The following FRMPD1 variants were observed in gnomAD, a reference collection of about 807,000 sequenced individuals.
FRMPD1 encodes FERM and PDZ domain containing 1, also known as FERM and PDZ domain-containing protein 1.
In FRMPD1, 76 loss-of-function variants were observed where a neutral mutation model predicts 117.8. That is an observed-to-expected ratio of 0.65 (90% CI 0.54 to 0.78). FRMPD1 has a LOEUF of 0.78. Among genes scored for constraint, FRMPD1 ranks in the 30% least tolerant of loss-of-function variants. FRMPD1 has a pLI of 0.00. For synonymous variants in FRMPD1, 783 were observed against 770.4 expected (o/e 1.02, Z -0.27); for missense variants, 1,786 against 1,964.5 (o/e 0.91, Z 1.72).
At chr9:37,724,971 C>T (rs537535792) in intron 7 of FRMPD1, among the ~76,000 whole-genome samples, 81 of 152,236 alleles carry the variant, frequency 5.3e-4, no homozygotes, top group Non-Finnish European at 9.6e-4. Flanking sequence ...GCTGGACCTG[C>T]GCTGAGCTTT....
rs1389689879 is a variant in FRMPD1, at chr9:37,745,792, C to A, written c.3760C>A (p.Pro1254Thr). 1.2e-6 allele frequency: 2 copies of A among 1,614,110 alleles called. No individual in the cohort carries two copies. Among genetic ancestry groups the A allele is most frequent in the Non-Finnish European group, 1.7e-6 (2 of 1,179,964 alleles). Residue 1254 changes from proline (P) to threonine (T), a missense_variant, in exon 16 of 16, where the codon CCT becomes ACT. Pro to Thr is a conservative substitution (Grantham distance 38). Coordinates refer to ENST00000377765, the MANE Select transcript of FRMPD1 (RefSeq NM_014907.3). Reference sequence around the variant, plus strand: ...TGAGTGGGTCTGTTTTAATCCTGAGCCTTCCCTGCCAGAACCACTACCATG... The same window carrying A: ...TGAGTGGGTCTGTTTTAATCCTGAGACTTCCCTGCCAGAACCACTACCATG... Reference protein sequence around the residue: ...SPEWVCFNPEPSLPEPLPCPQ... With the variant: ...SPEWVCFNPETSLPEPLPCPQ...
the FRMPD1 span, among the ~76,000 whole-genome samples, chr9:37,632,912 T>G: frequency 6.8e-6 from 1 of 147,796 alleles, no homozygotes; most frequent in Non-Finnish European, 1.5e-5. Flanking sequence ...TTTCTGTATA[T>G]ATATAATATA....
chr9:37,707,072 A>G (rs1318805879), intron 2 of FRMPD1, among the ~76,000 whole-genome samples: 2 of 152,182 alleles, frequency 1.3e-5, no homozygotes, highest in Non-Finnish European at 2.9e-5. Context: ...CTCAGAGTGC[A>G]GCTCAAATGC....
At chr9:37,650,157 A>C (rs1001129375), upstream of FRMPD1, among the ~76,000 whole-genome samples, 1 of 152,186 alleles carries the variant, frequency 6.6e-6, no homozygotes, top group African/African-American at 2.4e-5. Flanking sequence ...CTAATGCAGG[A>C]TATGGACCTC....
At chr9:37,690,975 C>T (rs1822112779) in intron 1 of FRMPD1, among the ~76,000 whole-genome samples, 1 of 152,192 alleles carries the variant, frequency 6.6e-6, no homozygotes, top group Admixed American at 6.5e-5. Context: ...ACACAGCCTG[C>T]ATGACCTAAT....
chr9:37,691,252 G>A (rs1166358348), intron 1 of FRMPD1, among the ~76,000 whole-genome samples: 2 of 152,160 alleles, frequency 1.3e-5, no homozygotes, highest in African/African-American at 2.4e-5. Flanking sequence ...CTTATCTTCA[G>A]TAGGATGGGA....
chr9:37,605,111 A>G, the FRMPD1 span, among the ~76,000 whole-genome samples: 2 of 152,220 alleles, frequency 1.3e-5, no homozygotes, highest in African/African-American at 4.8e-5. Context: ...CAGTGCATAT[A>G]TAACCTTTTG....
In FRMPD1 at chr9:37,740,862, C is replaced by A; in HGVS notation, c.2334C>A (p.Leu778=). The A allele has an allele frequency of 2.5e-6, 4 of 1,614,068 alleles. No individual in the cohort carries two copies. Among genetic ancestry groups the A allele is most frequent in the Non-Finnish European group, 3.4e-6 (4 of 1,179,912 alleles). ...DEEYYDAADK[L]TPPGPPSGPR... ...AATACTATGACGCGGCTGATAAGCT[C>A]ACTCCCCCAGGCCCCCCGTCAGGTG... is the stretch of plus-strand genomic sequence containing the variant. Residue 778 remains leucine (L), a synonymous_variant, in exon 15 of 16, where the codon CTC becomes CTA. Coordinates refer to ENST00000377765, the MANE Select transcript of FRMPD1 (RefSeq NM_014907.3). The surrounding 1 kb of genome is among the most constrained non-coding windows in gnomAD (Gnocchi z 4.2).
intron 3 of FRMPD1, 142 bp from the exon 4 acceptor site, chr9:37,708,257 G>T: frequency 3.3e-6 from 2 of 608,132 alleles, no homozygotes; most frequent in Non-Finnish European, 5.9e-6. Flanking sequence ...AGATCCACAT[G>T]AGCCCAAGCC....
At chr9:37,692,603 G>T in intron 1 of FRMPD1, 35 bp from the exon 2 acceptor site, 1 of 1,313,314 alleles carries the variant, frequency 7.6e-7, no homozygotes, top group Non-Finnish European at 1.1e-6. Context: ...AGAGTATTTT[G>T]GTTAGCATCT....
chr9:37,733,705 C>A (rs369673683), intron 11 of FRMPD1, 25 bp from the exon 12 acceptor site: 8 of 1,576,676 alleles, frequency 5.1e-6, no homozygotes, highest in Non-Finnish European at 6.1e-6. Flanking sequence ...ACTCTGACTT[C>A]AAGTGTTTTT....
At chr9:37,706,112 C>T (rs1246192409) in intron 2 of FRMPD1, among the ~76,000 whole-genome samples, 2 of 152,086 alleles carry the variant, frequency 1.3e-5, no homozygotes, top group Non-Finnish European at 2.9e-5. Context: ...TCAGTATTAC[C>T]TGCATGCTGG....
In FRMPD1 at chr9:37,740,736, C is replaced by G; in HGVS notation, c.2208C>G (p.Ala736=). The stretch of plus-strand genomic sequence containing the variant: ...CCCGGCAAGGGGGAGCCCCGCCAGC[C>G]TGGGGTCAGCAGGGCTGGACTGAGG... ...TASRQGGAPP[A]WGQQGWTEAQ... Residue 736 remains alanine (A), a synonymous_variant, in exon 15 of 16, where the codon GCC becomes GCG. Transcript: ENST00000377765. The surrounding 1 kb of genome is among the most constrained non-coding windows in gnomAD (Gnocchi z 4.2). 6.2e-7 allele frequency: 1 copy of G among 1,614,174 alleles called. No homozygotes were observed. Among genetic ancestry groups the G allele is most frequent in the Non-Finnish European group, 8.5e-7 (1 of 1,180,012 alleles).
rs765735007 is a variant in FRMPD1 at position 37,745,815 on chromosome 9, A to G, written c.3783A>G (p.Pro1261=). 1 of 1,613,964 alleles carries G rather than the reference A, an allele frequency of 6.2e-7. No homozygotes were observed. The highest frequency in any genetic ancestry group is 1.7e-5 in the Admixed American group (1 of 59,996). ...AGCCTTCCCTGCCAGAACCACTACC[A>G]TGTCCACAAGAGGATCCTCACTTAG... ...NPEPSLPEPL[P]CPQEDPHLET... The change falls in exon 16 of 16, where the codon CCA becomes CCG. Residue 1261 remains proline (P), a synonymous_variant. Coordinates refer to ENST00000377765, the MANE Select transcript of FRMPD1 (RefSeq NM_014907.3).
intron 1 of FRMPD1, among the ~76,000 whole-genome samples, 184 bp downstream of exon 1, chr9:37,651,278 G>C (rs867046310): frequency 1.3e-4 from 20 of 152,222 alleles, no homozygotes; most frequent in Non-Finnish European, 2.9e-5. Flanking sequence ...GGCTAGCTCA[G>C]GACCTGCCAT....
chr9:37,702,601 A>G (rs1488082248), intron 2 of FRMPD1, among the ~76,000 whole-genome samples: 1 of 152,196 alleles, frequency 6.6e-6, no homozygotes, highest in Non-Finnish European at 1.5e-5. Flanking sequence ...TGTTAGAGGT[A>G]AGATCAGTCT....
At chr9:37,683,455 T>G (rs1821801039) in intron 1 of FRMPD1, among the ~76,000 whole-genome samples, 1 of 152,204 alleles carries the variant, frequency 6.6e-6, no homozygotes, top group Admixed American at 6.5e-5. Context: ...TTTTTACAGA[T>G]GAGAAAACAG....
chr9:37,666,989 C>A (rs1260097468), intron 1 of FRMPD1, among the ~76,000 whole-genome samples: 2 of 150,224 alleles, frequency 1.3e-5, no homozygotes, highest in East Asian at 3.9e-4. Context: ...CAGTTCATAG[C>A]TGTGTATTAA....
intron 10 of FRMPD1, among the ~76,000 whole-genome samples, chr9:37,733,032 A>G (rs1249853015): frequency 6.6e-6 from 1 of 152,178 alleles, no homozygotes; most frequent in African/African-American, 2.4e-5. Flanking sequence ...GGGCCTGAGA[A>G]TCTGTAGTTT....
Sources: gnomAD v4.1 joint callset for allele counts (sites outside exome capture counted in the v4.1 genomes callset) on GRCh38, gnomAD v4.1.1 for gene constraint, Gnocchi (gnomAD v3.1) non-coding constraint, MANE v1.5 for transcripts, NCBI Gene and HGNC (gene_info 2026-07-23, HGNC 2026-07-21) for gene names.